The following PPEF2 variants were observed in gnomAD, a reference collection of about 807,000 sequenced individuals.
PPEF2 encodes the protein protein phosphatase with EF-hand domain 2, also known as serine/threonine-protein phosphatase with EF-hands 2.
Under a neutral mutation model 84.7 loss-of-function variants are expected in PPEF2, and 84 were observed. That is an observed-to-expected ratio of 0.99 (90% CI 0.83 to 1.19). The LOEUF (loss-of-function observed/expected upper bound fraction) is 1.19, where lower values mean the gene tolerates loss of function less well. PPEF2 is among the 50% of genes most tolerant of loss of function. PPEF2 has a pLI of 0.00. For synonymous variants in PPEF2, 346 were observed against 345.2 expected (o/e 1.00, Z -0.03); for missense variants, 924 against 937.5 (o/e 0.99, Z 0.19).
intron 2 of PPEF2, among the ~76,000 whole-genome samples, chr4:75,893,207 A>G (rs545544492): frequency 6.6e-6 from 1 of 152,352 alleles, no homozygotes; most frequent in Non-Finnish European, 1.5e-5. Context: ...TGTTCAGAAT[A>G]GTGAATGAGG....
rs754554489 is a variant in PPEF2, at chr4:75,891,981, A to G, written c.56-3T>C. 1.2e-5 allele frequency: 19 copies of G among 1,611,198 alleles called. No individual in the cohort carries two copies. The highest frequency in any genetic ancestry group is 1.4e-5 in the Non-Finnish European group (17 of 1,177,608). On this transcript the variant is annotated splice_polypyrimidine_tract_variant and splice_region_variant and intron_variant, in intron 2 of 16. Coordinates refer to ENST00000286719, the MANE Select transcript of PPEF2 (RefSeq NM_006239.3). ...GATCAGGGCTGCTGCCTTGAAGGCTATGACACCGATGGAGAAGCAAGCCTG... is the reference window on the plus strand; with the variant it reads ...GATCAGGGCTGCTGCCTTGAAGGCTGTGACACCGATGGAGAAGCAAGCCTG...
chr4:75,862,313 A>C (rs1230790231), intron 16 of PPEF2, among the ~76,000 whole-genome samples: 1 of 71,500 alleles, frequency 1.4e-5, no homozygotes, highest in Non-Finnish European at 2.9e-5. Context: ...AAAAAAAAAA[A>C]AAAAAAAAAC....
chr4:75,891,744 G>A (rs369590665), intron 3 of PPEF2, 39 bp from the exon 4 acceptor site: 1 of 1,600,300 alleles, frequency 6.2e-7, no homozygotes, highest in Non-Finnish European at 8.5e-7. Context: ...TTAGAGGTGA[G>A]CGAAAAGAGA....
chr4:75,888,341 A>T lies in PPEF2; in HGVS notation c.418-13T>A. ...GAGCATGGAGCTGCTACTGGGAGGA[A>T]GAGGAGGGAAGGAAGAAAACAACAC... On this transcript the variant is annotated splice_polypyrimidine_tract_variant and intron_variant, in intron 5 of 16. Transcript: ENST00000286719. 6.3e-7 allele frequency: 1 copy of T among 1,579,964 alleles called. No homozygotes were observed. Among genetic ancestry groups the T allele is most frequent in the South Asian group, 1.1e-5 (1 of 90,380 alleles).
intron 16 of PPEF2, among the ~76,000 whole-genome samples, chr4:75,863,606 T>C (rs1560478556): frequency 6.6e-6 from 1 of 152,078 alleles, no homozygotes; most frequent in Non-Finnish European, 1.5e-5. Context: ...AGGTGAATTA[T>C]ATGGTTTGTG....
chr4:75,887,417 A>G (rs777922933), intron 6 of PPEF2, among the ~76,000 whole-genome samples: 47 of 152,066 alleles, frequency 3.1e-4, no homozygotes, highest in Admixed American at 2.9e-3. Context: ...GTCAGGAGAT[A>G]AAGACCATCC....
At chr4:75,900,486 G>A (rs1342421440) in intron 1 of PPEF2, among the ~76,000 whole-genome samples, 1 of 152,212 alleles carries the variant, frequency 6.6e-6, no homozygotes. Context: ...CCTATGTCAT[G>A]TGGAAGGGGA....
At chr4:75,869,234 G>A (rs1724208060) in intron 13 of PPEF2, among the ~76,000 whole-genome samples, 1 of 152,196 alleles carries the variant, frequency 6.6e-6, no homozygotes, top group Admixed American at 6.5e-5. Flanking sequence ...GTAGGGCAAT[G>A]CCCTTGAAAG....
chr4:75,879,790 A>C (rs369618832), intron 10 of PPEF2, among the ~76,000 whole-genome samples: 1 of 152,070 alleles, frequency 6.6e-6, no homozygotes, highest in Admixed American at 6.6e-5. Flanking sequence ...TCAATTGAAC[A>C]AATGCTTAAA....
In PPEF2 at chr4:75,891,718, C is replaced by A; in HGVS notation, c.184-13G>T. 6.2e-7 allele frequency: 1 copy of A among 1,609,052 alleles called. No individual in the cohort carries two copies. The stretch of plus-strand genomic sequence containing the variant: ...AGAAGTCATGGAGCTGCAGAAGAAC[C>A]CAAGGAGACGTGGCTTTAGAGGTGA... On this transcript the variant is annotated splice_polypyrimidine_tract_variant and intron_variant, in intron 3 of 16. Coordinates refer to ENST00000286719, the MANE Select transcript of PPEF2 (RefSeq NM_006239.3).
chr4:75,871,012 G>A (rs1226320012), intron 13 of PPEF2, among the ~76,000 whole-genome samples: 3 of 151,804 alleles, frequency 2.0e-5, no homozygotes, highest in Non-Finnish European at 4.4e-5. Flanking sequence ...CAACCTCCTG[G>A]GTTCCAGCAA....
At chr4:75,862,862 C>T (rs1357721132) in intron 16 of PPEF2, among the ~76,000 whole-genome samples, 2 of 152,288 alleles carry the variant, frequency 1.3e-5, no homozygotes, top group East Asian at 1.9e-4. Context: ...ATGTTCATAG[C>T]AGCATTGTTC....
intron 14 of PPEF2, 122 bp downstream of exon 14, chr4:75,867,191 T>C (rs1232647654): frequency 1.1e-5 from 7 of 631,540 alleles, no homozygotes; most frequent in African/African-American, 3.8e-5. Flanking sequence ...ATGGAGGATA[T>C]AGCCAAAGGG....
At position 75,891,686 on chromosome 4, in the gene PPEF2, T is replaced by TCATGG; in HGVS notation, c.202_203insCCATG (p.Tyr68SerfsTer19). The TCATGG allele has an allele frequency of 6.2e-7, 1 of 1,611,906 alleles. No homozygotes were observed. The highest frequency in any genetic ancestry group is 8.5e-7 in the Non-Finnish European group (1 of 1,179,170). On this transcript the variant is annotated frameshift_variant, in exon 4 of 17. Coordinates refer to ENST00000286719, the MANE Select transcript of PPEF2 (RefSeq NM_006239.3). LOFTEE classifies it high-confidence loss of function. ...GCTGGGGATGAAGTGATCCATGAGA[T>TCATGG]AGCTGAAGAAGTCATGGAGCTGCAG...
chr4:75,898,398 C>T (rs1413244188), intron 1 of PPEF2, among the ~76,000 whole-genome samples: 1 of 152,230 alleles, frequency 6.6e-6, no homozygotes, highest in African/African-American at 2.4e-5. Flanking sequence ...TGTTTCTGCT[C>T]TTACCTGGAA....
intron 11 of PPEF2, among the ~76,000 whole-genome samples, chr4:75,874,301 GTT>G (rs1277052520): frequency 7.0e-6 from 1 of 142,044 alleles, no homozygotes. Flanking sequence ...CTTTTCTTTT[GTT>G]TTTTTTTTTT....
At chr4:75,890,255 G>A (rs987497647) in intron 4 of PPEF2, 123 bp from the exon 5 acceptor site, 1 of 1,043,140 alleles carries the variant, frequency 9.6e-7, no homozygotes, top group Non-Finnish European at 1.4e-6. Flanking sequence ...CGGGGCCAAG[G>A]AGGGAGGATT....
At chr4:75,874,386 C>T (rs1446147624) in intron 11 of PPEF2, among the ~76,000 whole-genome samples, 3 of 151,744 alleles carry the variant, frequency 2.0e-5, no homozygotes, top group African/African-American at 7.3e-5. Flanking sequence ...ACCTCTGCCT[C>T]CCAGGTTCAA....
intron 8 of PPEF2, among the ~76,000 whole-genome samples, chr4:75,883,817 CAAAAAAA>C (rs35897623): frequency 8.2e-5 from 5 of 60,702 alleles, no homozygotes; most frequent in African/African-American, 2.8e-4. Context: ...GACTCCGTCA[CAAAAAAA>C]AAAAAAAAAA....
Sources: allele counts gnomAD v4.1 joint callset (sites outside exome capture counted in the v4.1 genomes callset), GRCh38; gene constraint gnomAD v4.1.1; transcripts MANE v1.5; gene names NCBI Gene and HGNC (gene_info 2026-07-23, HGNC 2026-07-21).